The following PLXNA2 variants were observed in gnomAD, a reference collection of about 807,000 sequenced individuals.
PLXNA2 encodes plexin A2.
In PLXNA2, 91 loss-of-function variants were observed where a neutral mutation model predicts 193.5. The ratio of observed to expected loss-of-function variants is 0.47; its 90% CI spans 0.40 to 0.56. PLXNA2 has a LOEUF of 0.56. PLXNA2 is among the 20% of genes least tolerant of loss of function. PLXNA2 has a pLI of 0.00. For synonymous variants in PLXNA2, 997 were observed against 1,027.3 expected, an observed-to-expected ratio of 0.97 and a Z score of 0.56; for missense variants, 1,995 against 2,503.2, an observed-to-expected ratio of 0.80 and a Z score of 4.33.
rs746224300 is a variant in PLXNA2, at chr1:208,044,602, G to A, written c.3780C>T (p.Tyr1260=). Residue 1260 remains tyrosine (Y), a synonymous_variant, in exon 20 of 32, where the codon TAC becomes TAT. Transcript: ENST00000367033. This position sits in a 1 kb window ranked among gnomAD's most constrained non-coding sequence, Gnocchi z 4.9. The part of the protein sequence containing the change: ...LIIVIIVLIA[Y]KRKSRENDLT... The stretch of plus-strand genomic sequence containing the variant: ...GGTCATTTTCTCGAGACTTGCGCTT[G>A]TAGGCAATGAGGACGATGATGACGA... The A allele has an allele frequency of 1.9e-6, 3 of 1,614,050 alleles. No individual in the cohort carries two copies. Among genetic ancestry groups the A allele is most frequent in the African/African-American group, 2.7e-5 (2 of 74,928 alleles).
At position 208,217,937 on chromosome 1, in the gene PLXNA2, C is replaced by T. The variant is rs773002014; in HGVS notation, c.-15G>A. On this transcript the variant is annotated 5_prime_UTR_variant, in exon 2 of 32. Coordinates refer to ENST00000367033, the MANE Select transcript of PLXNA2 (RefSeq NM_025179.4). The surrounding 1 kb of genome is among the most constrained non-coding windows in gnomAD (Gnocchi z 4.7). ...CTCTGTTCCATGCTGAGAGGGGCGG[C>T]GGTGAGGAGACGGCTCCTGTGTGTG... 3.1e-5 allele frequency: 50 copies of T among 1,604,476 alleles called. No individual in the cohort carries two copies. Among genetic ancestry groups the T allele is most frequent in the Non-Finnish European group, 3.9e-5 (46 of 1,179,602 alleles).
rs1188345688 is a variant in PLXNA2, at chr1:208,051,006, C to T, written c.3255+3G>A. 6.2e-7 allele frequency: 1 copy of T among 1,605,170 alleles called. No individual in the cohort carries two copies. The highest frequency in any genetic ancestry group is 8.5e-7 in the Non-Finnish European group (1 of 1,171,862). ...AGGCTGGGGCAGACCAACAGTTACT[C>T]ACATTGACAGATTCTTTGCCATTGA... On this transcript the variant is annotated splice_donor_region_variant and intron_variant, in intron 17 of 31. Coordinates refer to ENST00000367033, the MANE Select transcript of PLXNA2 (RefSeq NM_025179.4).
At chr1:208,219,409 A>C (rs1671247105) in intron 1 of PLXNA2, among the ~76,000 whole-genome samples, 1 of 152,192 alleles carries the variant, frequency 6.6e-6, no homozygotes, top group Non-Finnish European at 1.5e-5. Context: ...GCACCAGGAG[A>C]AGGCAGCGAG....
chr1:208,213,842 C>G (rs1253164629), intron 2 of PLXNA2, among the ~76,000 whole-genome samples: 1 of 152,236 alleles, frequency 6.6e-6, no homozygotes, highest in Non-Finnish European at 1.5e-5. Flanking sequence ...GCTCTCCACT[C>G]TAAGGTCCTG....
At chr1:208,185,696 C>CAAAAAAAAAAAAAAAAAAA (rs56384277) in intron 3 of PLXNA2, among the ~76,000 whole-genome samples, 19 of 57,156 alleles carry the variant, frequency 3.3e-4, no homozygotes, top group African/African-American at 5.0e-4. Flanking sequence ...TCTCTGAAAG[C>CAAAAAAAAAAAAAAAAAAA]AAAAAAAAAA....
In PLXNA2 at chr1:208,146,745, C is replaced by T. The variant is rs577603254; in HGVS notation, c.1372-4282G>A. Among the ~76,000 whole-genome samples, 101 of 152,258 alleles carry T rather than the reference C, an allele frequency of 6.6e-4. 1 individual carries two copies. The highest frequency in any genetic ancestry group is 6.8e-3 in the Middle Eastern group (2 of 294). On this transcript the variant is annotated intron_variant, in intron 3 of 31. Transcript: ENST00000367033. ...AATAAACTGAACCAGCCCTTGCATG[C>T]GGTGCAACACCAAGATGCACAGGTC...
At chr1:208,068,858 G>A (rs535181769) in intron 12 of PLXNA2, among the ~76,000 whole-genome samples, 3 of 152,198 alleles carry the variant, frequency 2.0e-5, no homozygotes, top group African/African-American at 2.4e-5. Context: ...CAGCAAGTAC[G>A]GAAAGCTGTA....
chr1:208,128,675 C>T (rs935904485), intron 4 of PLXNA2, among the ~76,000 whole-genome samples: 11 of 149,594 alleles, frequency 7.4e-5, no homozygotes, highest in Non-Finnish European at 1.6e-4. Context: ...TAAGCTCCAA[C>T]AAGTGTTTCC....
chr1:208,104,673 G>A (rs887858016), intron 4 of PLXNA2, among the ~76,000 whole-genome samples: 1 of 152,100 alleles, frequency 6.6e-6, no homozygotes, highest in Non-Finnish European at 1.5e-5. Context: ...TACAGTGGGT[G>A]GGAGGGGAGA....
intron 20 of PLXNA2, among the ~76,000 whole-genome samples, chr1:208,043,789 G>A (rs1664960248): frequency 2.6e-5 from 4 of 152,204 alleles, no homozygotes; most frequent in South Asian, 2.1e-4. Flanking sequence ...CTATTTCCCA[G>A]CCCAGCTCTT....
chr1:208,178,796 T>A (rs909500319), intron 3 of PLXNA2, among the ~76,000 whole-genome samples: 1 of 152,224 alleles, frequency 6.6e-6, no homozygotes, highest in Admixed American at 6.5e-5. Flanking sequence ...ACTTACAAAA[T>A]CAGCATTTGG....
At position 208,050,427 on chromosome 1, in the gene PLXNA2, C is replaced by CTGTCATAAAACAGGAGTCCTTTTGTGCTG. The variant is rs1236656512; in HGVS notation, c.3255+553_3255+581dup. Among the ~76,000 whole-genome samples the CTGTCATAAAACAGGAGTCCTTTTGTGCTG allele has an allele frequency of 3.9e-5, 6 of 152,370 alleles. No homozygotes were observed. The East Asian group carries it at 7.7e-4, about 20-fold the overall frequency. On this transcript the variant is annotated intron_variant, in intron 17 of 31. Transcript: ENST00000367033. ...GTTTTCACTGGACCTCAAAGTCAAC[C>CTGTCATAAAACAGGAGTCCTTTTGTGCTG]TGTCATAAAACAGGAGTCCTTTTGT...
In PLXNA2 at chr1:208,210,303, T is replaced by C. The variant is rs1558246047; in HGVS notation, c.1348A>G (p.Thr450Ala). The change falls in exon 3 of 32, where the codon ACT becomes GCT. Residue 450 changes from threonine (T) to alanine (A), a missense_variant. Coordinates refer to ENST00000367033, the MANE Select transcript of PLXNA2 (RefSeq NM_025179.4). ...ACCTTTTTCAGCTTGCCACTCTTAG[T>C]CCCCACAAAAACCACGCTGTAGCCG... ...YNGYSVVFVGTKSGKLKKIRA... is the reference protein window; with the variant it reads ...YNGYSVVFVGAKSGKLKKIRA... 6.2e-7 allele frequency: 1 copy of C among 1,613,790 alleles called. No homozygotes were observed. Among genetic ancestry groups the C allele is most frequent in the Non-Finnish European group, 8.5e-7 (1 of 1,179,988 alleles).
chr1:208,158,262 T>C (rs1420978849), intron 3 of PLXNA2, among the ~76,000 whole-genome samples: 1 of 152,210 alleles, frequency 6.6e-6, no homozygotes, highest in Non-Finnish European at 1.5e-5. Context: ...AACACCCACC[T>C]GCGTCTCTCT....
chr1:208,174,796 C>A (rs946878847), intron 3 of PLXNA2, among the ~76,000 whole-genome samples: 1 of 152,210 alleles, frequency 6.6e-6, no homozygotes, highest in Non-Finnish European at 1.5e-5. Context: ...CTCATGTGTT[C>A]CCCCCACCTG....
intron 3 of PLXNA2, among the ~76,000 whole-genome samples, chr1:208,161,387 T>G (rs915914629): frequency 6.6e-6 from 1 of 152,252 alleles, no homozygotes; most frequent in Admixed American, 6.5e-5. Context: ...GGCTTTATTT[T>G]ATTTTTTGCT....
rs1182748696 is a variant in PLXNA2 at position 208,154,165 on chromosome 1, G to A, written c.1372-11702C>T. On this transcript the variant is annotated intron_variant, in intron 3 of 31. Transcript: ENST00000367033. ...GGCTGGACACCTGCTTGTCCTCAATGCCCACCCCCTTTTTGTGCTAACGCC... is the reference window on the plus strand; with the variant it reads ...GGCTGGACACCTGCTTGTCCTCAATACCCACCCCCTTTTTGTGCTAACGCC... Among the ~76,000 whole-genome samples, 12 of 152,230 alleles carry A rather than the reference G, an allele frequency of 7.9e-5. No individual in the cohort carries two copies. In the East Asian group the frequency reaches 2.1e-3, roughly 27 times the overall value.
intron 3 of PLXNA2, among the ~76,000 whole-genome samples, chr1:208,166,829 G>T (rs4844412): frequency 0.2 from 30,071 of 152,124 alleles, 4,312 homozygotes; most frequent in East Asian, 0.67. Context: ...TAAATAGATG[G>T]ATTCTAAACC....
At chr1:208,229,807 A>T (rs1671631314) in intron 1 of PLXNA2, among the ~76,000 whole-genome samples, 1 of 152,244 alleles carries the variant, frequency 6.6e-6, no homozygotes, top group African/African-American at 2.4e-5. Context: ...AAAAAATGAC[A>T]AATTCACAAT....
Sources: gnomAD v4.1 joint callset for allele counts (sites outside exome capture counted in the v4.1 genomes callset) on GRCh38, gnomAD v4.1.1 for gene constraint, Gnocchi (gnomAD v3.1) non-coding constraint, MANE v1.5 for transcripts, NCBI Gene and HGNC (gene_info 2026-07-23, HGNC 2026-07-21) for gene names.